DNAH14: variants seen among roughly 807,000 people sequenced by gnomAD.
DNAH14 encodes the protein dynein axonemal heavy chain 14, also known as axonemal beta dynein heavy chain 14.
Under a neutral mutation model 520.9 loss-of-function variants are expected in DNAH14, and 478 were observed. The ratio of observed to expected loss-of-function variants is 0.92; its 90% CI spans 0.85 to 0.99. DNAH14 has a LOEUF of 0.99. Ranked by LOEUF, DNAH14 falls within the 50% of genes least tolerant of loss-of-function variation. The pLI is 0.00. For missense variants in DNAH14, 4,831 were observed against 5,234.5 expected (o/e 0.92, Z 2.38); for synonymous variants, 1,581 against 1,757.2 (o/e 0.90, Z 2.51).
intron 3 of DNAH14, among the ~76,000 whole-genome samples, chr1:224,959,731 T>C (rs1345801365): frequency 6.6e-6 from 1 of 152,170 alleles, no homozygotes; most frequent in Non-Finnish European, 1.5e-5. Context: ...TCTGTATTTA[T>C]TTCATGTGAG....
At chr1:225,357,156 A>G (rs968256857) in intron 73 of DNAH14, among the ~76,000 whole-genome samples, 1 of 152,108 alleles carries the variant, frequency 6.6e-6, no homozygotes, top group Non-Finnish European at 1.5e-5. Context: ...TGCCACTGCT[A>G]TAGCCTATTG....
At chr1:225,020,513 A>AAAC (rs1558702165) in intron 10 of DNAH14, among the ~76,000 whole-genome samples, 5 of 148,010 alleles carry the variant, frequency 3.4e-5, no homozygotes, top group Non-Finnish European at 5.9e-5. Context: ...AAAAAAAAAA[A>AAAC]AAACAACTCA....
rs759002065 is a variant in DNAH14 at position 225,020,799 on chromosome 1, G to T, written c.1108-2816G>T. On this transcript the variant is annotated intron_variant, in intron 10 of 85. Transcript: ENST00000682510. ...AAAATCAAGGAGGAAGGACTCCTCC[G>T]TAACTTATTTTATGAGGCCAGCATC... is the stretch of plus-strand genomic sequence containing the variant. Among the ~76,000 whole-genome samples the T allele has an allele frequency of 3.9e-5, 6 of 152,198 alleles. 1 individual carries two copies. The highest frequency in any genetic ancestry group is 3.9e-4 in the Admixed American group (6 of 15,278).
intron 23 of DNAH14, among the ~76,000 whole-genome samples, chr1:225,115,334 T>C (rs182849380): frequency 2.4e-4 from 37 of 152,324 alleles, no homozygotes; most frequent in Middle Eastern, 6.8e-3. Context: ...TCTGCAAAAG[T>C]TGAAACAGAA....
chr1:225,318,414 C>G (rs961562168), intron 60 of DNAH14, among the ~76,000 whole-genome samples, 169 bp from the exon 61 acceptor site: 2 of 152,184 alleles, frequency 1.3e-5, no homozygotes, highest in Admixed American at 6.5e-5. Flanking sequence ...CTATGATACA[C>G]CTTTCCAACA....
In DNAH14 at chr1:225,157,932, A is replaced by G. The variant is rs192336836; in HGVS notation, c.5274-1382A>G. On this transcript the variant is annotated intron_variant, in intron 34 of 85. Coordinates refer to ENST00000682510, the MANE Select transcript of DNAH14 (RefSeq NM_001367479.1). ...ATAATGGAGTGGTTATAGGAATACA[A>G]TGAGTACAAAATCACAGATAGGAGG... Among the ~76,000 whole-genome samples the G allele has an allele frequency of 1.6e-4, 25 of 152,348 alleles. No homozygotes were observed. In the East Asian group the frequency reaches 4.2e-3, roughly 26 times the overall value.
At chr1:225,212,565 C>T (rs1474164831) in intron 41 of DNAH14, among the ~76,000 whole-genome samples, 2 of 152,290 alleles carry the variant, frequency 1.3e-5, no homozygotes, top group Admixed American at 1.3e-4. Flanking sequence ...TCTCCAGCAC[C>T]TGTTGTTTCC....
intron 10 of DNAH14, among the ~76,000 whole-genome samples, chr1:225,009,265 T>C (rs2147878460): frequency 1.3e-5 from 2 of 152,346 alleles, no homozygotes; most frequent in African/African-American, 4.8e-5. Context: ...TTAATCTATC[T>C]TGAGTTAATT....
At chr1:225,084,320 A>G (rs2073488009) in intron 20 of DNAH14, among the ~76,000 whole-genome samples, 2 of 152,136 alleles carry the variant, frequency 1.3e-5, no homozygotes, top group Admixed American at 1.3e-4. Flanking sequence ...AAATTTGACA[A>G]TGTATCCAAT....
chr1:225,379,632 A>G (rs1353687882), intron 79 of DNAH14, among the ~76,000 whole-genome samples: 1 of 151,792 alleles, frequency 6.6e-6, no homozygotes, highest in Admixed American at 6.6e-5. Context: ...GGTTCAAGTG[A>G]TTCTCGTGCC....
At position 225,082,606 on chromosome 1, in the gene DNAH14, A is replaced by G; in HGVS notation, c.3194A>G (p.Gln1065Arg). ...HLKQVVTEFK[Q>R]ELPIIIALGN... ...AAGCAAGTGGTAACAGAGTTTAAAC[A>G]AGAGCTGCCTATCATTATAGCTCTG... Residue 1065 changes from glutamine (Q) to arginine (R), a missense_variant, in exon 20 of 86, where the codon CAA (glutamine) becomes CGA (arginine). By Grantham distance (43) the Gln-to-Arg change is conservative (BLOSUM62 1). Transcript: ENST00000682510. 1 of 1,551,696 alleles carries G rather than the reference A, an allele frequency of 6.4e-7. No homozygotes were observed. The highest frequency in any genetic ancestry group is 1.2e-5 in the South Asian group (1 of 84,060).
rs919460591 is a variant in DNAH14 at position 224,938,380 on chromosome 1, G to T, written c.-34+8545G>T. On this transcript the variant is annotated intron_variant, in intron 1 of 85. Coordinates refer to ENST00000682510, the MANE Select transcript of DNAH14 (RefSeq NM_001367479.1). Reference sequence around the variant, plus strand: ...ACAAAAGGATTAAAAATAGACAAAAGATATGAACAGACATTTCTCAAAAGA... The same window carrying T: ...ACAAAAGGATTAAAAATAGACAAAATATATGAACAGACATTTCTCAAAAGA... 5.3e-5 allele frequency among the ~76,000 whole-genome samples: 8 copies of T among 152,114 alleles called. No individual in the cohort carries two copies. In the South Asian group the frequency reaches 1.0e-3, roughly 20 times the overall value.
chr1:225,133,094 T>A (rs2078601900), intron 27 of DNAH14, among the ~76,000 whole-genome samples: 1 of 152,198 alleles, frequency 6.6e-6, no homozygotes, highest in Non-Finnish European at 1.5e-5. Context: ...TAAATGTGTT[T>A]AAGTTCCTTG....
At chr1:225,348,812 G>A (rs1203031262) in intron 71 of DNAH14, among the ~76,000 whole-genome samples, 1 of 152,086 alleles carries the variant, frequency 6.6e-6, no homozygotes, top group Non-Finnish European at 1.5e-5. Context: ...GTAAATATGT[G>A]GATAAAGATA....
intron 41 of DNAH14, among the ~76,000 whole-genome samples, chr1:225,229,844 A>G (rs1336126552): frequency 6.6e-6 from 1 of 152,076 alleles, no homozygotes; most frequent in Non-Finnish European, 1.5e-5. Context: ...GCAGCACACC[A>G]CCATGGTACA....
At chr1:225,208,004 T>C (rs1398979831) in intron 41 of DNAH14, among the ~76,000 whole-genome samples, 2 of 152,188 alleles carry the variant, frequency 1.3e-5, no homozygotes, top group Admixed American at 1.3e-4. Context: ...AAATGTCCTA[T>C]TGGCAGGGAA....
intron 58 of DNAH14, among the ~76,000 whole-genome samples, chr1:225,306,800 TATC>T (rs2094253785): frequency 6.6e-6 from 1 of 152,056 alleles, no homozygotes; most frequent in Non-Finnish European, 1.5e-5. Context: ...TAATCATTAT[TATC>T]AACATCCATA....
In DNAH14 at chr1:225,080,404, C is replaced by T. The variant is rs115366080; in HGVS notation, c.2792C>T (p.Ala931Val). 29 of 1,545,902 alleles carry T rather than the reference C, an allele frequency of 1.9e-5. No homozygotes were observed. The highest frequency in any genetic ancestry group is 2.7e-5 in the African/African-American group (2 of 72,926). ...ATAAGAACTCCTCTTCTGTTATGTG[C>T]TGGTACTCAAGTGTCAACAGCAATG... ...AKIRTPLLLC[A>V]GTQVSTAMEM... Residue 931 changes from alanine to valine, a missense_variant, in exon 19 of 86, where the codon GCT (alanine) becomes GTT (valine). Ala to Val is a moderately conservative substitution (Grantham distance 64, BLOSUM62 0). Transcript: ENST00000682510.
intron 10 of DNAH14, among the ~76,000 whole-genome samples, chr1:225,009,861 T>C (rs2064554096): frequency 6.6e-6 from 1 of 152,218 alleles, no homozygotes; most frequent in African/African-American, 2.4e-5. Context: ...GTAGCAATTT[T>C]GAATGGGAGT....
Sources: allele counts gnomAD v4.1 joint callset (sites outside exome capture counted in the v4.1 genomes callset), GRCh38; gene constraint gnomAD v4.1.1; transcripts MANE v1.5; gene names NCBI Gene and HGNC (gene_info 2026-07-23, HGNC 2026-07-21).